The following QRFPR variants were observed in gnomAD, a reference collection of about 807,000 sequenced individuals.
QRFPR encodes the protein pyroglutamylated RF-amide peptide receptor.
QRFPR carries 37 observed loss-of-function variants against 31.3 expected under a neutral mutation model. That is an observed-to-expected ratio of 1.18 (90% CI 0.91 to 1.56). QRFPR has a LOEUF of 1.56. Ranked by LOEUF, QRFPR falls within the 40% of genes most tolerant of loss-of-function variation. The pLI is 0.00. For synonymous variants in QRFPR, 197 were observed against 192.0 expected, an observed-to-expected ratio of 1.03 and a Z score of -0.22; for missense variants, 542 against 532.5, an observed-to-expected ratio of 1.02 and a Z score of -0.18.
intron 1 of QRFPR, among the ~76,000 whole-genome samples, chr4:121,345,142 T>G (rs1725620112): frequency 1.3e-5 from 2 of 152,218 alleles, no homozygotes; most frequent in Admixed American, 1.3e-4. Flanking sequence ...GTGGGCAGGT[T>G]AGGTAAGAAC....
intron 3 of QRFPR, among the ~76,000 whole-genome samples, chr4:121,335,770 G>A (rs1725423769): frequency 6.6e-6 from 1 of 152,138 alleles, no homozygotes; most frequent in South Asian, 2.1e-4. Context: ...GGACAGGACA[G>A]TTTAATAACA....
intron 1 of QRFPR, among the ~76,000 whole-genome samples, chr4:121,364,854 C>G (rs1456461781): frequency 1.3e-5 from 2 of 149,152 alleles, no homozygotes; most frequent in African/African-American, 5.0e-5. Flanking sequence ...TAGAATAAAC[C>G]AAAAGATTAA....
At chr4:121,352,260 A>G (rs1310880991) in intron 1 of QRFPR, among the ~76,000 whole-genome samples, 1 of 152,158 alleles carries the variant, frequency 6.6e-6, no homozygotes, top group Non-Finnish European at 1.5e-5. Flanking sequence ...TAACAGAGTC[A>G]TAAATGCCAC....
At chr4:121,357,566 G>A (rs1285471651) in intron 1 of QRFPR, among the ~76,000 whole-genome samples, 1 of 152,146 alleles carries the variant, frequency 6.6e-6, no homozygotes, top group Non-Finnish European at 1.5e-5. Flanking sequence ...CCTACACTGG[G>A]AATTCTAAGA....
chr4:121,369,018 G>A (rs999660843), intron 1 of QRFPR, among the ~76,000 whole-genome samples: 18 of 152,042 alleles, frequency 1.2e-4, no homozygotes, highest in Admixed American at 1.1e-3. Flanking sequence ...AATTTAACAG[G>A]TTTTTTACTT....
intron 5 of QRFPR, 30 bp from the exon 6 acceptor site, chr4:121,329,744 GTTTAT>G: frequency 7.2e-7 from 1 of 1,385,960 alleles, no homozygotes; most frequent in Non-Finnish European, 9.7e-7. Context: ...TAGAATGTAC[GTTTAT>G]TTTAAGGAGT....
intron 2 of QRFPR, among the ~76,000 whole-genome samples, chr4:121,338,515 A>G (rs1328797957): frequency 1.3e-5 from 2 of 152,156 alleles, no homozygotes; most frequent in African/African-American, 4.8e-5. Context: ...TTTGCGATAT[A>G]TTTTTTAAGT....
At chr4:121,377,946 C>T (rs898215737) in intron 1 of QRFPR, among the ~76,000 whole-genome samples, 6 of 152,082 alleles carry the variant, frequency 3.9e-5, no homozygotes, top group East Asian at 1.9e-4. Context: ...TCCTATAATG[C>T]GCAAGTTAAT....
chr4:121,334,844 G>A (rs535965254), intron 3 of QRFPR, among the ~76,000 whole-genome samples: 2 of 152,286 alleles, frequency 1.3e-5, no homozygotes, highest in South Asian at 4.1e-4. Context: ...CCTGTGATAA[G>A]TTCACACTCA....
intron 1 of QRFPR, chr4:121,369,292 G>C (rs1363033069): frequency 2.4e-6 from 1 of 421,628 alleles, no homozygotes; most frequent in Non-Finnish European, 4.2e-6. Context: ...GCCTCCCAAA[G>C]TGTTGGGATT....
At position 121,337,046 on chromosome 4, in the gene QRFPR, G is replaced by A. The variant is rs148261340; in HGVS notation, c.500-178C>T. Among the ~76,000 whole-genome samples, 520 of 152,292 alleles carry A rather than the reference G, an allele frequency of 3.4e-3. 4 individuals are homozygous for A. Among genetic ancestry groups the A allele is most frequent in the African/African-American group, 0.012 (498 of 41,546 alleles). On this transcript the variant is annotated intron_variant, in intron 2 of 5. Coordinates refer to ENST00000394427, the MANE Select transcript of QRFPR (RefSeq NM_198179.3). ...TTTCACCATCCTCAAAACTGCTGCTGGAATAAACTTCCTAAAACAAGTTTT... is the reference window on the plus strand; with the variant it reads ...TTTCACCATCCTCAAAACTGCTGCTAGAATAAACTTCCTAAAACAAGTTTT...
intron 3 of QRFPR, among the ~76,000 whole-genome samples, chr4:121,335,578 T>TGG (rs773427893): frequency 1.4e-3 from 6 of 4,254 alleles, no homozygotes; most frequent in Admixed American, 4.1e-3. Context: ...GTATGGGGGG[T>TGG]GGGGGGTGGG....
At chr4:121,339,306 C>A (rs1313647910) in intron 2 of QRFPR, among the ~76,000 whole-genome samples, 1 of 152,208 alleles carries the variant, frequency 6.6e-6, no homozygotes, top group Non-Finnish European at 1.5e-5. Context: ...GTGAAGCACA[C>A]TAAGGTTTTA....
At chr4:121,372,898 T>G (rs1726278776) in intron 1 of QRFPR, among the ~76,000 whole-genome samples, 1 of 152,162 alleles carries the variant, frequency 6.6e-6, no homozygotes, top group South Asian at 2.1e-4. Flanking sequence ...GGGGTCATCT[T>G]TCACACTTGG....
At chr4:121,337,717 A>G (rs914093739) in intron 2 of QRFPR, among the ~76,000 whole-genome samples, 2 of 151,688 alleles carry the variant, frequency 1.3e-5, no homozygotes. Flanking sequence ...AACTTAAAGT[A>G]TAATAATAAA....
intron 1 of QRFPR, among the ~76,000 whole-genome samples, chr4:121,367,160 T>C (rs926011570): frequency 6.7e-6 from 1 of 149,406 alleles, no homozygotes; most frequent in African/African-American, 2.5e-5. Context: ...CACACAGGGG[T>C]TGAGAAAAGT....
At position 121,373,370 on chromosome 4, in the gene QRFPR, G is replaced by A. The variant is rs142568138; in HGVS notation, c.340+6938C>T. Among the ~76,000 whole-genome samples the A allele has an allele frequency of 2.3e-3, 357 of 152,286 alleles. 3 individuals are homozygous for A. The highest frequency in any genetic ancestry group is 8.1e-3 in the African/African-American group (338 of 41,562). The stretch of plus-strand genomic sequence containing the variant: ...CTACAGCATCTTTTCTTCTCAAAGT[G>A]TGCACGTAATTGATTCTAGGAAAGA... On this transcript the variant is annotated intron_variant, in intron 1 of 5. Transcript: ENST00000394427.
intron 1 of QRFPR, among the ~76,000 whole-genome samples, chr4:121,348,676 T>G (rs1725703410): frequency 6.6e-6 from 1 of 152,200 alleles, no homozygotes; most frequent in Non-Finnish European, 1.5e-5. Flanking sequence ...TTAAAATGGC[T>G]GTAGTTTGAC....
chr4:121,357,606 C>T (rs1464031352), intron 1 of QRFPR, among the ~76,000 whole-genome samples: 1 of 152,164 alleles, frequency 6.6e-6, no homozygotes, highest in African/African-American at 2.4e-5. Context: ...TCCTAGAAAG[C>T]ACTGGTTCTT....
Sources: gnomAD v4.1 joint callset for allele counts (sites outside exome capture counted in the v4.1 genomes callset) on GRCh38, gnomAD v4.1.1 for gene constraint, MANE v1.5 for transcripts, NCBI Gene and HGNC (gene_info 2026-07-23, HGNC 2026-07-21) for gene names.